The following MRAP variants were observed in gnomAD, a reference collection of about 807,000 sequenced individuals.
MRAP encodes the protein melanocortin-2 receptor accessory protein.
MRAP carries 8 observed loss-of-function variants against 8.7 expected under a neutral mutation model. The ratio of observed to expected loss-of-function variants is 0.92; its 90% CI spans 0.54 to 1.66. MRAP has a LOEUF of 1.66. Ranked by LOEUF, MRAP falls within the 40% of genes most tolerant of loss-of-function variation. The probability of loss-of-function intolerance (pLI) is 0.00; values close to 1 mark genes in which losing one functional copy is unlikely to be tolerated. For synonymous variants in MRAP, 95 were observed against 95.5 expected (o/e 1.00, Z 0.03); for missense variants, 237 against 217.1 (o/e 1.09, Z -0.58).
chr21:32,311,727 C>T lies in MRAP; in HGVS notation c.250C>T (p.Leu84Phe), dbSNP rs1043257366. 1.2e-6 allele frequency: 2 copies of T among 1,613,974 alleles called. No individual in the cohort carries two copies. Among genetic ancestry groups the T allele is most frequent in the African/African-American group, 2.7e-5 (2 of 74,938 alleles). ...HHQTCPWSHG[L>F]NLHLCIQKCL... ...CCAAACATGCCCCTGGAGTCACGGC[C>T]TCAACCTCCACCTCTGCATCCAGAA... The change falls in exon 3 of 3, where the codon CTC becomes TTC. Residue 84 changes from leucine to phenylalanine, a missense_variant. Physicochemically the swap from Leu to Phe is conservative, Grantham distance 22 (BLOSUM62 0). Coordinates refer to ENST00000303645, the MANE Select transcript of MRAP (RefSeq NM_001379228.1).
intron 1 of MRAP, among the ~76,000 whole-genome samples, chr21:32,301,966 A>G (rs960991738): frequency 1.3e-5 from 2 of 152,262 alleles, no homozygotes; most frequent in African/African-American, 4.8e-5. Flanking sequence ...ATTCAGAGCA[A>G]TCATATTCAG....
intron 1 of MRAP, among the ~76,000 whole-genome samples, chr21:32,301,341 T>C (rs1034995821): frequency 4.6e-5 from 7 of 152,218 alleles, no homozygotes; most frequent in Non-Finnish European, 8.8e-5. Flanking sequence ...CTTGGTGCTT[T>C]CTCATGATAG....
intron 2 of MRAP, among the ~76,000 whole-genome samples, chr21:32,307,860 C>T (rs2032457434): frequency 6.6e-6 from 1 of 151,710 alleles, no homozygotes; most frequent in Non-Finnish European, 1.5e-5. Flanking sequence ...GGTGATAGAA[C>T]AAGACCCTGT....
rs2032592498 is a variant in MRAP at position 32,312,000 on chromosome 21, C to T, written c.*4C>T. On this transcript the variant is annotated 3_prime_UTR_variant, in exon 3 of 3. Coordinates refer to ENST00000303645, the MANE Select transcript of MRAP (RefSeq NM_001379228.1). Reference sequence around the variant, plus strand: ...GACCTCTCAATTGCAGAGCTGATGTCAGTAAATCGTGGCCATAGCTGAGTG... The same window carrying T: ...GACCTCTCAATTGCAGAGCTGATGTTAGTAAATCGTGGCCATAGCTGAGTG... 1 of 1,612,982 alleles carries T rather than the reference C, an allele frequency of 6.2e-7. No homozygotes were observed. The highest frequency in any genetic ancestry group is 1.1e-5 in the South Asian group (1 of 91,080).
At chr21:32,311,561 C>T in intron 2 of MRAP, 123 bp from the exon 3 acceptor site, 9 of 1,406,214 alleles carry the variant, frequency 6.4e-6, no homozygotes, top group Non-Finnish European at 8.6e-6. Context: ...AGGAATTTGC[C>T]TGTGTGGCCT....
chr21:32,300,643 C>T (rs1370675331), intron 1 of MRAP, among the ~76,000 whole-genome samples: 1 of 147,652 alleles, frequency 6.8e-6, no homozygotes. Flanking sequence ...GTCACACGTC[C>T]TATGCCGGGG....
intron 1 of MRAP, among the ~76,000 whole-genome samples, chr21:32,299,783 G>T (rs898387703): frequency 7.2e-5 from 11 of 152,272 alleles, no homozygotes; most frequent in African/African-American, 2.6e-4. Flanking sequence ...CAGATTTAAT[G>T]ATTTTTACTA....
intron 2 of MRAP, 51 bp from the exon 3 acceptor site, chr21:32,311,633 A>G: frequency 6.3e-7 from 1 of 1,599,282 alleles, no homozygotes; most frequent in Non-Finnish European, 8.5e-7. Context: ...CACAGTATGG[A>G]CTGTTCTGCA....
chr21:32,303,496 G>A (rs939191771), intron 1 of MRAP, among the ~76,000 whole-genome samples: 3 of 152,212 alleles, frequency 2.0e-5, no homozygotes, highest in Non-Finnish European at 2.9e-5. Context: ...CTGTCACTCC[G>A]CTGCTGAGGA....
chr21:32,300,251 C>G (rs533410722), intron 1 of MRAP, among the ~76,000 whole-genome samples: 1 of 151,972 alleles, frequency 6.6e-6, no homozygotes, highest in African/African-American at 2.4e-5. Flanking sequence ...AAACGCAGAC[C>G]AGGCATGGTG....
downstream of MRAP, chr21:32,312,911 G>A (rs764780186): frequency 1.3e-5 from 2 of 152,136 alleles, no homozygotes; most frequent in Non-Finnish European, 2.9e-5. Context: ...GACCATGTTC[G>A]ATCTATTCTC....
At chr21:32,296,080 C>T (rs1178153559), upstream of MRAP, among the ~76,000 whole-genome samples, 4 of 152,144 alleles carry the variant, frequency 2.6e-5, no homozygotes, top group Admixed American at 1.3e-4. Flanking sequence ...GGCCTGGTTT[C>T]GTTCTGAGGC....
chr21:32,306,356 T>C (rs1043432175), intron 1 of MRAP: 4 of 436,572 alleles, frequency 9.2e-6, no homozygotes, highest in African/African-American at 6.1e-5. Context: ...AGCAGATGCA[T>C]GGGGTGGGGG....
Position 32,298,926 on chromosome 21 carries a change from G to A in MRAP, c.-46G>A, listed in dbSNP as rs112640307. 4.8e-5 allele frequency: 68 copies of A among 1,429,138 alleles called. 1 individual carries two copies. Among genetic ancestry groups the A allele is most frequent in the East Asian group, 1.4e-4 (6 of 43,832 alleles). The allele number at this position is 1,429,138 out of a possible 1,614,324, so 88.5% of individuals were successfully genotyped here. On this transcript the variant is annotated 5_prime_UTR_variant, in exon 1 of 3. Coordinates refer to ENST00000303645, the MANE Select transcript of MRAP (RefSeq NM_001379228.1). ...CTCCCAGGGGCTTGGCGCCTGGCTC[G>A]AGGCGAGGCTGCCGGCCCGGACGCT...
chr21:32,300,921 CATG>C (rs1198639426), intron 1 of MRAP, among the ~76,000 whole-genome samples: 1 of 151,950 alleles, frequency 6.6e-6, no homozygotes, highest in Non-Finnish European at 1.5e-5. Context: ...GTCTATGTGT[CATG>C]ATATATCGTG....
intron 1 of MRAP, among the ~76,000 whole-genome samples, chr21:32,304,762 T>C (rs766585929): frequency 1.3e-5 from 2 of 152,054 alleles, no homozygotes; most frequent in African/African-American, 2.4e-5. Context: ...TTCCCTGCTC[T>C]AGGGGACTGC....
chr21:32,310,651 TTTC>T (rs1465163024), intron 2 of MRAP, among the ~76,000 whole-genome samples: 1 of 151,436 alleles, frequency 6.6e-6, no homozygotes, highest in Non-Finnish European at 1.5e-5. Context: ...TTCTTTTTTT[TTTC>T]TTTTTTTTTT....
At chr21:32,314,747 G>A, downstream of MRAP, 1 of 1,453,566 alleles carries the variant, frequency 6.9e-7, no homozygotes, top group Admixed American at 1.9e-5. Flanking sequence ...TCATTTACTG[G>A]GCAGTTCAAT....
At chr21:32,313,880 C>A (rs546647424), downstream of MRAP, 2 of 152,246 alleles carry the variant, frequency 1.3e-5, no homozygotes, top group Non-Finnish European at 2.9e-5. Flanking sequence ...AAAATTCTGA[C>A]CTTTAAAATA....
Sources: gnomAD v4.1 joint callset for allele counts (sites outside exome capture counted in the v4.1 genomes callset) on GRCh38, gnomAD v4.1.1 for gene constraint, MANE v1.5 for transcripts, NCBI Gene and HGNC (gene_info 2026-07-23, HGNC 2026-07-21) for gene names.